GRM8: variants seen among roughly 807,000 people sequenced by gnomAD.
The protein encoded by GRM8 is metabotropic glutamate receptor 8.
GRM8 carries 47 observed loss-of-function variants against 87.2 expected under a neutral mutation model. That is an observed-to-expected ratio of 0.54 (90% confidence interval 0.43 to 0.69). The LOEUF (loss-of-function observed/expected upper bound fraction) is 0.69, where lower values mean the gene tolerates loss of function less well. Among genes scored for constraint, GRM8 ranks in the 30% least tolerant of loss-of-function variants. GRM8 has a pLI of 0.00. For missense variants in GRM8, 1,019 were observed against 1,139.2 expected (o/e 0.89, Z 1.52); for synonymous variants, 396 against 404.5 (o/e 0.98, Z 0.25).
At chr7:127,007,381 T>C (rs1007331437) in intron 3 of GRM8, among the ~76,000 whole-genome samples, 87 of 152,044 alleles carry the variant, frequency 5.7e-4, no homozygotes, top group African/African-American at 1.9e-3. Context: ...GTCTGTTTTA[T>C]GCTCTACTTC....
At chr7:127,176,421 A>G (rs527605740) in intron 2 of GRM8, among the ~76,000 whole-genome samples, 17 of 152,344 alleles carry the variant, frequency 1.1e-4, no homozygotes, top group African/African-American at 3.8e-4. Flanking sequence ...AGGTCCAAAT[A>G]TATGTTGCCT....
At chr7:127,030,775 C>T (rs1296715365) in intron 3 of GRM8, among the ~76,000 whole-genome samples, 1 of 152,196 alleles carries the variant, frequency 6.6e-6, no homozygotes, top group Non-Finnish European at 1.5e-5. Context: ...TAACCTATTT[C>T]GGCCAACTTA....
intron 7 of GRM8, among the ~76,000 whole-genome samples, chr7:126,677,379 A>C (rs576482600): frequency 6.6e-6 from 1 of 150,518 alleles, no homozygotes; most frequent in Admixed American, 6.6e-5. Flanking sequence ...AAAAAAAGCC[A>C]TATCAAAAAG....
chr7:127,082,403 C>T (rs2283095), intron 3 of GRM8, among the ~76,000 whole-genome samples: 23,069 of 151,992 alleles, frequency 0.15, 1,998 homozygotes, highest in East Asian at 0.2. Context: ...CTAGTCTTTC[C>T]TTGTAACTCA....
At chr7:126,656,236 C>T (rs1468305170) in intron 7 of GRM8, among the ~76,000 whole-genome samples, 1 of 152,180 alleles carries the variant, frequency 6.6e-6, no homozygotes, top group East Asian at 1.9e-4. Flanking sequence ...CCCCACACAT[C>T]CTTTCCTTCT....
chr7:127,031,943 C>A (rs1327509765), intron 3 of GRM8, among the ~76,000 whole-genome samples: 1 of 152,052 alleles, frequency 6.6e-6, no homozygotes, highest in Non-Finnish European at 1.5e-5. Context: ...TCTATTTTCT[C>A]CTCATCTACC....
At chr7:126,758,435 T>C (rs1298937734) in intron 7 of GRM8, among the ~76,000 whole-genome samples, 1 of 152,180 alleles carries the variant, frequency 6.6e-6, no homozygotes, top group African/African-American at 2.4e-5. Context: ...CTCATGTCTG[T>C]CTCTGAAAAG....
chr7:127,047,427 G>T (rs576919568), intron 3 of GRM8, among the ~76,000 whole-genome samples: 1 of 152,014 alleles, frequency 6.6e-6, no homozygotes, highest in East Asian at 1.9e-4. Context: ...CCTAATCTCT[G>T]TTCCTTCTAC....
At chr7:126,828,124 T>C (rs1329417028) in intron 6 of GRM8, among the ~76,000 whole-genome samples, 2 of 152,148 alleles carry the variant, frequency 1.3e-5, no homozygotes, top group East Asian at 1.9e-4. Flanking sequence ...CAGTATTTTA[T>C]TGAGGATTTT....
chr7:127,203,959 T>C (rs1485836909), intron 2 of GRM8, among the ~76,000 whole-genome samples: 1 of 152,198 alleles, frequency 6.6e-6, no homozygotes, highest in African/African-American at 2.4e-5. Flanking sequence ...TATAAACGTA[T>C]GTCATGCAAA....
At chr7:126,693,463 A>G (rs1316230258) in intron 7 of GRM8, among the ~76,000 whole-genome samples, 2 of 152,204 alleles carry the variant, frequency 1.3e-5, no homozygotes, top group African/African-American at 4.8e-5. Context: ...AATACATTAC[A>G]GCATGTAGGT....
At chr7:126,447,358 G>T (rs947439041) in intron 9 of GRM8, among the ~76,000 whole-genome samples, 1 of 151,652 alleles carries the variant, frequency 6.6e-6, no homozygotes, top group African/African-American at 2.4e-5. Context: ...CAAATAACTT[G>T]GGATACTGAG....
rs547152116 is a variant in GRM8, at chr7:126,853,334, T to G, written c.1156+49208A>C. ...CGCAAGGTGTTTTTTTTGTTTGTTT[T>G]TTTTAAGTCTTTGTTCTCTTTATTT... On this transcript the variant is annotated intron_variant, in intron 6 of 10. Transcript: ENST00000339582. Among the ~76,000 whole-genome samples, 20 of 152,316 alleles carry G rather than the reference T, an allele frequency of 1.3e-4. No homozygotes were observed. The South Asian group carries it at 2.1e-3, about 16-fold the overall frequency.
At chr7:126,920,858 A>G (rs561549340) in intron 3 of GRM8, among the ~76,000 whole-genome samples, 29 of 145,940 alleles carry the variant, frequency 2.0e-4, no homozygotes, top group African/African-American at 6.9e-4. Flanking sequence ...AACCCCATAC[A>G]GAAAATTGGA....
At chr7:126,561,852 C>T (rs1187949067) in intron 8 of GRM8, among the ~76,000 whole-genome samples, 1 of 98,960 alleles carries the variant, frequency 1.0e-5, no homozygotes, top group Non-Finnish European at 2.3e-5. Context: ...GTTCAATTCC[C>T]ACCTATGAGT....
At chr7:126,785,670 T>C (rs868405941) in intron 6 of GRM8, among the ~76,000 whole-genome samples, 2 of 151,946 alleles carry the variant, frequency 1.3e-5, no homozygotes, top group Non-Finnish European at 2.9e-5. Context: ...GCCACCTAAA[T>C]GGCAGATGAA....
chr7:127,191,099 T>C (rs1795005172), intron 2 of GRM8, among the ~76,000 whole-genome samples: 1 of 152,238 alleles, frequency 6.6e-6, no homozygotes, highest in East Asian at 1.9e-4. Context: ...ATTTAACAGG[T>C]TTGACAAAAT....
chr7:127,118,930 T>C (rs954707207), intron 2 of GRM8, among the ~76,000 whole-genome samples: 3 of 152,204 alleles, frequency 2.0e-5, no homozygotes, highest in African/African-American at 7.2e-5. Context: ...TCACAGTGAA[T>C]AGGAGATACT....
chr7:126,786,999 T>C (rs957290373), intron 6 of GRM8, among the ~76,000 whole-genome samples: 2 of 152,234 alleles, frequency 1.3e-5, no homozygotes, highest in Admixed American at 6.5e-5. Context: ...CCATGTGTAG[T>C]ACACATCTAA....
Sources: allele counts gnomAD v4.1 joint callset (sites outside exome capture counted in the v4.1 genomes callset), GRCh38; gene constraint gnomAD v4.1.1; transcripts MANE v1.5; gene names NCBI Gene and HGNC (gene_info 2026-07-23, HGNC 2026-07-21).